Variants in LYRM4 observed in about 807,000 individuals in gnomAD.
LYRM4 encodes the protein LYR motif containing 4, also known as LYR motif-containing protein 4.
In LYRM4, 9 loss-of-function variants were observed where a neutral mutation model predicts 11.7. The observed-to-expected ratio is 0.77, with a 90% CI of 0.46 to 1.34. The LOEUF (loss-of-function observed/expected upper bound fraction) is 1.34, where lower values mean the gene tolerates loss of function less well. Among genes scored for constraint, LYRM4 ranks in the 40% most tolerant of loss-of-function variants. LYRM4 has a pLI of 0.00. For synonymous variants in LYRM4, 42 were observed against 40.4 expected, an observed-to-expected ratio of 1.04 and a Z score of -0.15; for missense variants, 133 against 112.5, an observed-to-expected ratio of 1.18 and a Z score of -0.82.
chr6:5,034,957 T>C, the LYRM4 span, among the ~76,000 whole-genome samples: 1 of 151,578 alleles, frequency 6.6e-6, no homozygotes, highest in Non-Finnish European at 1.5e-5. Context: ...TGTGGGAGAA[T>C]TGTAAAAATA....
chr6:5,090,502 C>CAGG, the LYRM4 span, among the ~76,000 whole-genome samples: 1 of 152,316 alleles, frequency 6.6e-6, no homozygotes, highest in South Asian at 2.1e-4. This position sits in a 1 kb window ranked among gnomAD's most constrained non-coding sequence, Gnocchi z 4.8. Flanking sequence ...AGTCTCTGTC[C>CAGG]AGGGCAGCAA....
At chr6:5,089,589 G>T in the LYRM4 span, 1 of 152,132 alleles carries the variant, frequency 6.6e-6, no homozygotes, top group Non-Finnish European at 1.5e-5. Context: ...TTTCTATTCT[G>T]TCATAACACC....
At chr6:5,214,750 T>G (rs4246073) in intron 2 of LYRM4, among the ~76,000 whole-genome samples, 108,389 of 152,160 alleles carry the variant, frequency 0.71, 38,860 homozygotes, top group South Asian at 0.81. Flanking sequence ...CCCTAACTAC[T>G]GTAAAGGCTG....
At chr6:5,225,290 T>C (rs1371405896) in intron 1 of LYRM4, among the ~76,000 whole-genome samples, 1 of 149,442 alleles carries the variant, frequency 6.7e-6, no homozygotes, top group Admixed American at 6.6e-5. Flanking sequence ...AAACTTAAAG[T>C]CACAGGTAAA....
At chr6:5,090,311 G>A in the LYRM4 span, among the ~76,000 whole-genome samples, 2 of 152,162 alleles carry the variant, frequency 1.3e-5, no homozygotes, top group African/African-American at 4.8e-5. The surrounding 1 kb of genome is among the most constrained non-coding windows in gnomAD (Gnocchi z 4.8). Flanking sequence ...CCTATCTAGA[G>A]CTTCAGAAAC....
chr6:5,154,768 G>C (rs926114875), intron 2 of LYRM4, among the ~76,000 whole-genome samples: 1 of 152,022 alleles, frequency 6.6e-6, no homozygotes, highest in African/African-American at 2.4e-5. Flanking sequence ...GCAGTGAGCC[G>C]GGATCGCGCC....
intron 1 of LYRM4, among the ~76,000 whole-genome samples, chr6:5,246,330 C>T (rs1042214180): frequency 3.3e-5 from 5 of 152,168 alleles, no homozygotes; most frequent in African/African-American, 4.8e-5. Flanking sequence ...AACCACATGG[C>T]GCCACTGGCA....
chr6:5,185,228 A>C (rs1760317460), intron 2 of LYRM4, among the ~76,000 whole-genome samples: 1 of 152,226 alleles, frequency 6.6e-6, no homozygotes, highest in South Asian at 2.1e-4. Context: ...TGAACGAATG[A>C]ATGAAGATAC....
At chr6:5,254,951 C>T (rs1764600411) in intron 1 of LYRM4, among the ~76,000 whole-genome samples, 2 of 152,158 alleles carry the variant, frequency 1.3e-5, no homozygotes, top group South Asian at 2.1e-4. Context: ...ATTCATGTCT[C>T]AACCCCCACA....
rs369067155 is a variant in LYRM4 at position 5,124,510 on chromosome 6, C to T, written c.208-15019G>A. 6.6e-5 allele frequency among the ~76,000 whole-genome samples: 10 copies of T among 152,290 alleles called. No individual in the cohort carries two copies. In the East Asian group the frequency reaches 7.7e-4, roughly 12 times the overall value. On this transcript the variant is annotated intron_variant, in intron 2 of 2. Coordinates refer to ENST00000330636, the MANE Select transcript of LYRM4 (RefSeq NM_020408.6). ...CATTTCCGCCTTTTGCCTATGCCTCCGACTGGCCTAAAGTGTGACTTCAGA... is the reference window on the plus strand; with the variant it reads ...CATTTCCGCCTTTTGCCTATGCCTCTGACTGGCCTAAAGTGTGACTTCAGA...
chr6:5,170,022 G>A (rs1011316172), intron 2 of LYRM4, among the ~76,000 whole-genome samples: 2 of 152,220 alleles, frequency 1.3e-5, no homozygotes, highest in Admixed American at 6.5e-5. Context: ...CAGAGCTGAA[G>A]TGTCAGGGAT....
chr6:5,133,684 A>T (rs1764059306), intron 2 of LYRM4, among the ~76,000 whole-genome samples: 1 of 152,210 alleles, frequency 6.6e-6, no homozygotes, highest in Non-Finnish European at 1.5e-5. Flanking sequence ...TACCTTCATA[A>T]CTGTACAATC....
At chr6:5,110,079 C>T (rs930164176) in intron 2 of LYRM4, among the ~76,000 whole-genome samples, 5 of 152,200 alleles carry the variant, frequency 3.3e-5, no homozygotes, top group Admixed American at 1.3e-4. Context: ...AATGTTTCCA[C>T]TGTCCCAGGT....
chr6:5,246,428 A>T (rs1764199474), intron 1 of LYRM4, among the ~76,000 whole-genome samples: 1 of 152,162 alleles, frequency 6.6e-6, no homozygotes, highest in African/African-American at 2.4e-5. Context: ...TCTCCTTACA[A>T]GGTCTTTAAT....
At chr6:5,062,275 A>T in the LYRM4 span, among the ~76,000 whole-genome samples, 1 of 146,130 alleles carries the variant, frequency 6.8e-6, no homozygotes, top group Non-Finnish European at 1.5e-5. Flanking sequence ...TTATATATTT[A>T]TATGTTGATA....
intron 1 of LYRM4, among the ~76,000 whole-genome samples, chr6:5,258,513 A>G (rs1488327481): frequency 1.3e-5 from 2 of 152,242 alleles, no homozygotes; most frequent in African/African-American, 4.8e-5. Context: ...TTGTGTTGCT[A>G]TTGATTTGCC....
chr6:5,207,109 G>T (rs1761744654), intron 2 of LYRM4, among the ~76,000 whole-genome samples: 1 of 152,120 alleles, frequency 6.6e-6, no homozygotes, highest in African/African-American at 2.4e-5. Flanking sequence ...TTAAATTTAG[G>T]TGTACCTTGC....
intron 2 of LYRM4, among the ~76,000 whole-genome samples, chr6:5,119,992 T>C (rs1763349931): frequency 6.6e-6 from 1 of 151,668 alleles, no homozygotes; most frequent in Non-Finnish European, 1.5e-5. Flanking sequence ...CCTCCTGGGT[T>C]CAAGCGATTC....
At chr6:5,136,182 T>C (rs2127618319) in intron 2 of LYRM4, 1 of 663,928 alleles carries the variant, frequency 1.5e-6, no homozygotes, top group Admixed American at 6.3e-5. Context: ...TTGTGAATAA[T>C]ACTGCTCTGA....
Sources: allele counts gnomAD v4.1 joint callset (sites outside exome capture counted in the v4.1 genomes callset), GRCh38; gene constraint gnomAD v4.1.1; non-coding constraint Gnocchi (gnomAD v3.1); transcripts MANE v1.5; gene names NCBI Gene and HGNC (gene_info 2026-07-23, HGNC 2026-07-21).